The following SMYD3 variants were observed in gnomAD, a reference collection of about 807,000 sequenced individuals.
The protein encoded by SMYD3 is histone-lysine N-methyltransferase SMYD3.
SMYD3 carries 36 observed loss-of-function variants against 57.7 expected under a neutral mutation model. The ratio of observed to expected loss-of-function variants is 0.62; its 90% confidence interval spans 0.48 to 0.82. The LOEUF (loss-of-function observed/expected upper bound fraction) is 0.82. SMYD3 is among the 40% of genes least tolerant of loss of function. SMYD3 has a pLI of 0.00. For synonymous variants in SMYD3, 211 were observed against 195.0 expected (o/e 1.08, Z -0.68); for missense variants, 515 against 538.8 (o/e 0.96, Z 0.44).
intron 5 of SMYD3, among the ~76,000 whole-genome samples, chr1:246,115,446 C>A (rs1052141910): frequency 6.6e-6 from 1 of 152,156 alleles, no homozygotes; most frequent in African/African-American, 2.4e-5. Flanking sequence ...CCTACACACA[C>A]TAAATAAAAC....
chr1:245,767,919 C>T (rs1452052296), intron 10 of SMYD3, among the ~76,000 whole-genome samples: 4 of 152,160 alleles, frequency 2.6e-5, no homozygotes, highest in African/African-American at 9.7e-5. Context: ...AATTGGAAAA[C>T]AGACCCTAGA....
chr1:246,391,420 AAG>A (rs55713238), intron 1 of SMYD3, among the ~76,000 whole-genome samples: 50,649 of 128,272 alleles, frequency 0.39, 10,552 homozygotes, highest in African/African-American at 0.56. Context: ...GAGAGAGAAA[AAG>A]AGAGAGAGAG....
intron 5 of SMYD3, among the ~76,000 whole-genome samples, chr1:246,043,815 C>T (rs558903076): frequency 8.9e-4 from 136 of 152,198 alleles, no homozygotes; most frequent in Non-Finnish European, 1.4e-3. Flanking sequence ...CGTGCCTTCC[C>T]CTTCCTCCCA....
chr1:245,991,786 A>G (rs1162421283), intron 5 of SMYD3, among the ~76,000 whole-genome samples: 2 of 151,100 alleles, frequency 1.3e-5, no homozygotes, highest in Non-Finnish European at 1.5e-5. Flanking sequence ...ATCATATTCT[A>G]TTGGCCACAC....
intron 5 of SMYD3, among the ~76,000 whole-genome samples, chr1:246,303,057 G>C (rs1009156826): frequency 1.3e-5 from 2 of 152,166 alleles, no homozygotes; most frequent in Non-Finnish European, 2.9e-5. Context: ...CTACAGCACT[G>C]AGCTCCTAAC....
intron 5 of SMYD3, chr1:245,930,451 GAGCACTGGAGGTCATTTAGTCA>G (rs1469995606): frequency 3.2e-6 from 1 of 307,898 alleles, no homozygotes; most frequent in Non-Finnish European, 6.2e-6. Flanking sequence ...AGACCACAGG[GAGCACTGGAGGTCATTTAGTCA>G]AGCCATGGTA....
chr1:246,049,454 G>A lies in SMYD3; in HGVS notation c.532-119517C>T, dbSNP rs896688442. Among the ~76,000 whole-genome samples, 64 of 140,822 alleles carry A rather than the reference G, an allele frequency of 4.5e-4. 1 individual carries two copies. The highest frequency in any genetic ancestry group is 1.7e-3 in the African/African-American group (59 of 34,930). 92.4% of individuals were successfully genotyped at this position (140,822 alleles called of 152,430 possible). On this transcript the variant is annotated intron_variant, in intron 5 of 11. Coordinates refer to ENST00000490107, the MANE Select transcript of SMYD3 (RefSeq NM_001167740.2). ...TAGGACTACAGGCGCCCGCCACCAC[G>A]CCTGGCTAATTTTTTTTTTTTTTTG...
chr1:246,095,446 C>T (rs933906320), intron 5 of SMYD3, among the ~76,000 whole-genome samples: 4 of 152,176 alleles, frequency 2.6e-5, no homozygotes, highest in African/African-American at 7.2e-5. Context: ...TAATATGCAA[C>T]GATAAGGTGC....
chr1:246,101,661 G>T (rs963662058), intron 5 of SMYD3, among the ~76,000 whole-genome samples: 1 of 152,122 alleles, frequency 6.6e-6, no homozygotes, highest in Non-Finnish European at 1.5e-5. Flanking sequence ...TATGCGGTTA[G>T]GTTCTTGTTC....
chr1:246,118,505 G>A (rs1284895699), intron 5 of SMYD3, among the ~76,000 whole-genome samples: 1 of 152,198 alleles, frequency 6.6e-6, no homozygotes, highest in Non-Finnish European at 1.5e-5. Flanking sequence ...AATGCCTCAA[G>A]CTAGAACCAT....
chr1:245,842,644 C>T (rs886747935), intron 10 of SMYD3, among the ~76,000 whole-genome samples: 5 of 152,282 alleles, frequency 3.3e-5, no homozygotes, highest in African/African-American at 4.8e-5. Context: ...TTCTATAAAT[C>T]GGCAGACTAT....
chr1:246,407,577 C>T (rs1465298172), intron 1 of SMYD3, among the ~76,000 whole-genome samples: 2 of 152,206 alleles, frequency 1.3e-5, no homozygotes, highest in South Asian at 2.1e-4. Context: ...CATGGTGGCT[C>T]GTGCCCGTAA....
chr1:245,919,489 C>T (rs1430247249), intron 7 of SMYD3, among the ~76,000 whole-genome samples: 5 of 152,206 alleles, frequency 3.3e-5, no homozygotes, highest in Admixed American at 1.3e-4. Flanking sequence ...TGGCGACTGC[C>T]CCATTACCTC....
At chr1:246,197,568 T>C (rs1177141571) in intron 5 of SMYD3, among the ~76,000 whole-genome samples, 1 of 150,204 alleles carries the variant, frequency 6.7e-6, no homozygotes, top group East Asian at 2.0e-4. Flanking sequence ...CTCCAAACTG[T>C]CAAGGATCAT....
At chr1:245,932,453 C>A (rs1349161346) in intron 5 of SMYD3, among the ~76,000 whole-genome samples, 1 of 152,172 alleles carries the variant, frequency 6.6e-6, no homozygotes, top group Non-Finnish European at 1.5e-5. Context: ...TACTTGCCAT[C>A]ATACACAACT....
chr1:245,934,320 C>T (rs1467459948), intron 5 of SMYD3, among the ~76,000 whole-genome samples: 1 of 152,106 alleles, frequency 6.6e-6, no homozygotes, highest in Non-Finnish European at 1.5e-5. Flanking sequence ...CTGCCTCTGC[C>T]CCCCGGCACC....
chr1:245,949,895 A>G (rs1322922584), intron 5 of SMYD3, among the ~76,000 whole-genome samples: 1 of 147,998 alleles, frequency 6.8e-6, no homozygotes, highest in Non-Finnish European at 1.5e-5. Flanking sequence ...CCCAAACACC[A>G]CTATAGACCT....
chr1:246,130,284 T>C (rs189193760), intron 5 of SMYD3, among the ~76,000 whole-genome samples: 1 of 152,182 alleles, frequency 6.6e-6, no homozygotes, highest in Admixed American at 6.5e-5. Context: ...CAACTTTTCA[T>C]GAAGTTCCCA....
intron 1 of SMYD3, among the ~76,000 whole-genome samples, chr1:246,376,603 A>C (rs1021033803): frequency 6.6e-6 from 1 of 151,046 alleles, no homozygotes; most frequent in African/African-American, 2.4e-5. Flanking sequence ...AAAAAAAAAA[A>C]AAAAAAACTA....
Sources: allele counts gnomAD v4.1 joint callset (sites outside exome capture counted in the v4.1 genomes callset), GRCh38; gene constraint gnomAD v4.1.1; transcripts MANE v1.5; gene names NCBI Gene and HGNC (gene_info 2026-07-23, HGNC 2026-07-21).